The following MON2 variants were observed in gnomAD, a reference collection of about 807,000 sequenced individuals.
MON2 encodes protein MON2 homolog.
MON2 carries 84 observed loss-of-function variants against 208.6 expected under a neutral mutation model. That is an observed-to-expected ratio of 0.40 (90% CI 0.34 to 0.48). The LOEUF (loss-of-function observed/expected upper bound fraction) is 0.48. Ranked by LOEUF, MON2 falls within the 20% of genes least tolerant of loss-of-function variation. The pLI, the probability that MON2 is intolerant of heterozygous loss-of-function variation, is 0.59. For synonymous variants in MON2, 660 were observed against 694.0 expected (o/e 0.95, Z 0.77); for missense variants, 1,611 against 2,015.4 (o/e 0.80, Z 3.84).
intron 32 of MON2, among the ~76,000 whole-genome samples, chr12:62,582,969 A>G (rs2075057153): frequency 6.6e-6 from 1 of 152,228 alleles, no homozygotes; most frequent in African/African-American, 2.4e-5. Flanking sequence ...CACTGAAAAC[A>G]TAAAACCAGT....
intron 20 of MON2, among the ~76,000 whole-genome samples, chr12:62,543,468 T>C (rs1351921810): frequency 6.6e-6 from 1 of 152,228 alleles, no homozygotes; most frequent in Non-Finnish European, 1.5e-5. Context: ...GAGATGCCTT[T>C]CTTTTATCAT....
At chr12:62,548,478 C>T (rs11174542) in intron 22 of MON2, among the ~76,000 whole-genome samples, 53,520 of 151,980 alleles carry the variant, frequency 0.35, 9,569 homozygotes, top group African/African-American at 0.37. Context: ...TTCTGTAATT[C>T]TGCAGTATCA....
chr12:62,578,331 C>A, intron 30 of MON2, 114 bp from the exon 31 acceptor site: 2 of 663,878 alleles, frequency 3.0e-6, no homozygotes, highest in Non-Finnish European at 5.1e-6. Context: ...AATAATAATG[C>A]CCCAACCTGG....
chr12:62,525,065 CT>C lies in MON2; in HGVS notation c.1110-15del, dbSNP rs894840134. On this transcript the variant is annotated intron_variant, in intron 9 of 34. Transcript: ENST00000393630. ...ATATTCAAATGTTTTTCCCAAAAAC[CT>C]TTTAAATTATTTTACAGGTCATTTT... 2 of 1,593,102 alleles carry C rather than the reference CT, an allele frequency of 1.3e-6. No homozygotes were observed. The highest frequency in any genetic ancestry group is 2.7e-5 in the African/African-American group (2 of 74,046).
chr12:62,589,007 T>C, intron 34 of MON2: 3 of 727,076 alleles, frequency 4.1e-6, no homozygotes, highest in Non-Finnish European at 6.2e-6. Context: ...TGCATGTACA[T>C]GACTCATCTC....
chr12:62,524,749 C>T, intron 9 of MON2, 110 bp downstream of exon 9: 1 of 1,065,084 alleles, frequency 9.4e-7, no homozygotes, highest in South Asian at 1.8e-5. Context: ...TATTTATTCC[C>T]AATATTAGTG....
At chr12:62,501,103 T>C (rs928420652) in intron 6 of MON2, among the ~76,000 whole-genome samples, 2 of 152,216 alleles carry the variant, frequency 1.3e-5, no homozygotes, top group Admixed American at 6.5e-5. Flanking sequence ...AATGCAGAAC[T>C]AGAAAACAGG....
At chr12:62,528,637 T>C (rs1233298206) in intron 11 of MON2, among the ~76,000 whole-genome samples, 3 of 152,216 alleles carry the variant, frequency 2.0e-5, no homozygotes, top group African/African-American at 7.2e-5. Flanking sequence ...GTCTGTGCCA[T>C]AGAATTGGAG....
intron 34 of MON2, among the ~76,000 whole-genome samples, chr12:62,591,127 G>A (rs1186996122): frequency 1.3e-5 from 2 of 152,002 alleles, no homozygotes; most frequent in African/African-American, 4.8e-5. Context: ...TAAATGATTA[G>A]TGTAAAGTTT....
Position 62,578,480 on chromosome 12 carries a change from A to G in MON2, c.4550A>G (p.Gln1517Arg). 1 of 1,501,448 alleles carries G rather than the reference A, an allele frequency of 6.7e-7. No individual in the cohort carries two copies. Among genetic ancestry groups the G allele is most frequent in the Admixed American group, 2.0e-5 (1 of 50,764 alleles). 93.0% of individuals were successfully genotyped at this position (1,501,448 alleles called of 1,614,324 possible). Residue 1517 changes from glutamine to arginine, a missense_variant, in exon 31 of 35, where the codon CAA (glutamine) becomes CGA (arginine). Physicochemically the swap from Gln to Arg is conservative, Grantham distance 43. Transcript: ENST00000393630. ...GATAATCTCTCTATTCAAGAGTTTC[A>G]AAGAAATGAAAATATTGATGTCGAG... ...PPDNLSIQEF[Q>R]RNENIDVEVV...
chr12:62,477,571 C>G (rs1462145651), intron 1 of MON2, among the ~76,000 whole-genome samples: 1 of 150,218 alleles, frequency 6.7e-6, no homozygotes, highest in Non-Finnish European at 1.5e-5. Context: ...CACACCACCA[C>G]GTTTGCCTAA....
In MON2 at chr12:62,484,244, G is replaced by A. The variant is rs1387774022; in HGVS notation, c.175+11G>A. ...CTGAAATTTTGGCAGGTAATTTTTTGTATTAAAAATTTAATAATAAACAAA... is the reference window on the plus strand; with the variant it reads ...CTGAAATTTTGGCAGGTAATTTTTTATATTAAAAATTTAATAATAAACAAA... On this transcript the variant is annotated intron_variant, in intron 2 of 34. Coordinates refer to ENST00000393630, the MANE Select transcript of MON2 (RefSeq NM_015026.3). 1 of 1,567,164 alleles carries A rather than the reference G, an allele frequency of 6.4e-7. No homozygotes were observed.
chr12:62,492,945 C>T (rs977304452), intron 2 of MON2, among the ~76,000 whole-genome samples: 2 of 151,794 alleles, frequency 1.3e-5, no homozygotes, highest in African/African-American at 4.8e-5. Flanking sequence ...TGCCACTGCT[C>T]TCCAGCCTGG....
chr12:62,470,753 T>A, intron 1 of MON2: 1 of 1,118,436 alleles, frequency 8.9e-7, no homozygotes, highest in South Asian at 2.0e-5. Context: ...GGGGAGTCAT[T>A]CCTAGCAGAG....
At chr12:62,556,773 T>A (rs1300011229) in intron 25 of MON2, among the ~76,000 whole-genome samples, 3 of 152,108 alleles carry the variant, frequency 2.0e-5, no homozygotes, top group Admixed American at 1.3e-4. Context: ...TCATGTAGAA[T>A]GTGTTAGGAG....
chr12:62,508,343 T>G lies in MON2; in HGVS notation c.847T>G (p.Phe283Val). 1 of 1,614,076 alleles carries G rather than the reference T, an allele frequency of 6.2e-7. No homozygotes were observed. Among genetic ancestry groups the G allele is most frequent in the Non-Finnish European group, 8.5e-7 (1 of 1,179,954 alleles). Residue 283 changes from phenylalanine to valine, a missense_variant, in exon 8 of 35, where the codon TTT becomes GTT. By Grantham distance (50) the Phe-to-Val change is conservative. Transcript: ENST00000393630. Reference sequence around the variant, plus strand: ...GGTATGTCCTCTTGTGATAAAGCTCTTTTCTCCAAATATAAAGTTCAGACA... The same window carrying G: ...GGTATGTCCTCTTGTGATAAAGCTCGTTTCTCCAAATATAAAGTTCAGACA... Reference protein sequence around the residue: ...ERVCPLVIKLFSPNIKFRQGS... With the variant: ...ERVCPLVIKLVSPNIKFRQGS...
Position 62,560,576 on chromosome 12 carries a change from T to C in MON2, c.3495T>C (p.Ala1165=). 6.2e-7 allele frequency: 1 copy of C among 1,614,078 alleles called. No individual in the cohort carries two copies. Among genetic ancestry groups the C allele is most frequent in the South Asian group, 1.1e-5 (1 of 91,078 alleles). The part of the protein sequence containing the change: ...LSKNNEVSLA[A]LKSFQEILQI... ...AAAACAATGAAGTATCTCTGGCTGC[T>C]CTGAAAAGCTTCCAGGAAATTTTAC... is the stretch of plus-strand genomic sequence containing the variant. The change falls in exon 26 of 35, where the codon GCT becomes GCC. Residue 1165 remains alanine (A), a synonymous_variant. Transcript: ENST00000393630.
Position 62,553,015 on chromosome 12 carries a change from A to G in MON2, c.3051A>G (p.Pro1017=), listed in dbSNP as rs2073816057. Residue 1017 remains proline (P), a synonymous_variant, in exon 24 of 35, where the codon CCA becomes CCG. Coordinates refer to ENST00000393630, the MANE Select transcript of MON2 (RefSeq NM_015026.3). ...ATCGGCCATTCCACCCTGCACCGCC[A>G]TTTGATTGCTTGTGGTTATGTCTTT... ...VLNRPFHPAP[P]FDCLWLCLYA... The G allele has an allele frequency of 1.2e-6, 2 of 1,614,078 alleles. No individual in the cohort carries two copies.
intron 2 of MON2, chr12:62,484,940 A>C (rs543755630): frequency 7.1e-6 from 1 of 139,968 alleles, no homozygotes; most frequent in Admixed American, 7.3e-5. Flanking sequence ...TTTTTTAAGA[A>C]TCTGTTATAT....
Sources: gnomAD v4.1 joint callset for allele counts (sites outside exome capture counted in the v4.1 genomes callset) on GRCh38, gnomAD v4.1.1 for gene constraint, MANE v1.5 for transcripts, NCBI Gene and HGNC (gene_info 2026-07-23, HGNC 2026-07-21) for gene names.